The following CNTNAP2 variants were observed in gnomAD, a reference collection of about 807,000 sequenced individuals.
The protein encoded by CNTNAP2 is contactin-associated protein-like 2.
Under a neutral mutation model 155.2 loss-of-function variants are expected in CNTNAP2, and 98 were observed. The ratio of observed to expected loss-of-function variants is 0.63; its 90% CI spans 0.54 to 0.75. The LOEUF (loss-of-function observed/expected upper bound fraction) is 0.75, where lower values mean the gene tolerates loss of function less well. CNTNAP2 is among the 30% of genes least tolerant of loss of function. The probability of loss-of-function intolerance (pLI) is 0.00; values close to 1 mark genes in which losing one functional copy is unlikely to be tolerated. For missense variants in CNTNAP2, 1,727 were observed against 1,688.1 expected (o/e 1.02, Z -0.40); for synonymous variants, 651 against 631.2 (o/e 1.03, Z -0.47).
At chr7:148,111,644 A>G (rs1804355449) in intron 15 of CNTNAP2, among the ~76,000 whole-genome samples, 1 of 152,158 alleles carries the variant, frequency 6.6e-6, no homozygotes, top group African/African-American at 2.4e-5. Context: ...GCAATCATGA[A>G]GTTCCAATTA....
intron 17 of CNTNAP2, among the ~76,000 whole-genome samples, chr7:148,157,359 A>G (rs547610633): frequency 6.6e-6 from 1 of 152,292 alleles, no homozygotes; most frequent in East Asian, 1.9e-4. Flanking sequence ...TGCTGAGCAA[A>G]CATCTGGATG....
intron 1 of CNTNAP2, among the ~76,000 whole-genome samples, chr7:146,659,551 A>G (rs1800052056): frequency 1.3e-5 from 2 of 152,206 alleles, no homozygotes; most frequent in African/African-American, 4.8e-5. Context: ...AGTAGGCAGT[A>G]GATGGTTTAG....
intron 15 of CNTNAP2, among the ~76,000 whole-genome samples, chr7:148,110,555 A>ACTT (rs141907700): frequency 1.8e-3 from 270 of 152,254 alleles, no homozygotes; most frequent in Non-Finnish European, 3.1e-3. Context: ...CCACGAAAGA[A>ACTT]CTTCAGCACA....
chr7:148,222,780 G>A (rs1025731341), intron 19 of CNTNAP2, among the ~76,000 whole-genome samples: 2 of 152,150 alleles, frequency 1.3e-5, no homozygotes, highest in South Asian at 4.1e-4. Flanking sequence ...GCAAAACCAG[G>A]AGAGACTCCT....
intron 1 of CNTNAP2, among the ~76,000 whole-genome samples, chr7:146,127,151 T>C (rs1033212617): frequency 1.3e-5 from 2 of 152,230 alleles, no homozygotes; most frequent in African/African-American, 2.4e-5. Flanking sequence ...CACAACATGC[T>C]GTTTCGAATC....
At chr7:147,242,667 C>G (rs1038651880) in intron 8 of CNTNAP2, among the ~76,000 whole-genome samples, 2 of 152,116 alleles carry the variant, frequency 1.3e-5, no homozygotes, top group African/African-American at 4.8e-5. Context: ...ACTTTAAATT[C>G]TTCCATTTAT....
At chr7:148,252,517 C>G (rs1487008523) in intron 20 of CNTNAP2, among the ~76,000 whole-genome samples, 1 of 152,194 alleles carries the variant, frequency 6.6e-6, no homozygotes, top group African/African-American at 2.4e-5. Flanking sequence ...CTCAGCACTT[C>G]CTTTGGTTCA....
chr7:148,016,522 G>C (rs1802179604), intron 15 of CNTNAP2, among the ~76,000 whole-genome samples: 1 of 152,228 alleles, frequency 6.6e-6, no homozygotes, highest in African/African-American at 2.4e-5. Flanking sequence ...ACACTGAAGA[G>C]AGGCAGAGGT....
At chr7:146,189,876 T>C (rs1798676921) in intron 1 of CNTNAP2, among the ~76,000 whole-genome samples, 1 of 152,212 alleles carries the variant, frequency 6.6e-6, no homozygotes, top group African/African-American at 2.4e-5. Flanking sequence ...GAGTTTATCA[T>C]GTAGAACACT....
At chr7:148,106,831 T>A (rs1804234427) in intron 15 of CNTNAP2, among the ~76,000 whole-genome samples, 1 of 152,210 alleles carries the variant, frequency 6.6e-6, no homozygotes, top group South Asian at 2.1e-4. Context: ...TATTCCCCGC[T>A]TTCTGGAATC....
rs569110523 is a variant in CNTNAP2, at chr7:146,596,999, G to T, written c.98-177272G>T. ...CCGTAAATAAATGTTGAGGTTGAAT[G>T]AATTCACATTACCATCCAAGATACT... On this transcript the variant is annotated intron_variant, in intron 1 of 23. Transcript: ENST00000361727. Among the ~76,000 whole-genome samples the T allele has an allele frequency of 5.9e-5, 9 of 152,122 alleles. No homozygotes were observed. In the East Asian group the frequency reaches 1.2e-3, roughly 20 times the overall value.
At chr7:148,040,247 A>G (rs924488443) in intron 15 of CNTNAP2, among the ~76,000 whole-genome samples, 1 of 152,264 alleles carries the variant, frequency 6.6e-6, no homozygotes, top group African/African-American at 2.4e-5. Flanking sequence ...AAGCAAAAGC[A>G]TTAAAATGAT....
chr7:147,646,342 A>G (rs754331249), intron 13 of CNTNAP2, among the ~76,000 whole-genome samples: 1 of 152,214 alleles, frequency 6.6e-6, no homozygotes, highest in Non-Finnish European at 1.5e-5. Context: ...TGATGGCACT[A>G]GGAATACAGG....
At chr7:146,469,380 T>TAAA (rs571664470) in intron 1 of CNTNAP2, among the ~76,000 whole-genome samples, 3,124 of 145,608 alleles carry the variant, frequency 0.021, 66 homozygotes, top group African/African-American at 0.052. Context: ...TTGGAAGCAT[T>TAAA]AAAAAAAAAA....
At chr7:148,111,055 C>T (rs542734519) in intron 15 of CNTNAP2, among the ~76,000 whole-genome samples, 1 of 152,144 alleles carries the variant, frequency 6.6e-6, no homozygotes, top group Non-Finnish European at 1.5e-5. Flanking sequence ...GGGGACTCTC[C>T]ATGTGATCAT....
At chr7:146,855,807 GTATATA>G (rs367900395) in intron 3 of CNTNAP2, among the ~76,000 whole-genome samples, 8,456 of 108,920 alleles carry the variant, frequency 0.078, 378 homozygotes, top group Non-Finnish European at 0.11. Context: ...GTGTTAATGA[GTATATA>G]TATATATATA....
chr7:147,395,639 A>G lies in CNTNAP2; in HGVS notation c.1529A>G (p.His510Arg). 1 of 1,612,244 alleles carries G rather than the reference A, an allele frequency of 6.2e-7. No individual in the cohort carries two copies. Among genetic ancestry groups the G allele is most frequent in the African/African-American group, 1.3e-5 (1 of 74,918 alleles). ...GFLNQMNNSS[H>R]SVLQPSFQGC... ...CTGAACCAGATGAATAACTCAAGTC[A>G]CTCTGTCCTTCAGCCTTCATTCCAA... The change falls in exon 10 of 24, where the codon CAC (histidine) becomes CGC (arginine). Residue 510 changes from histidine to arginine, a missense_variant. By Grantham distance (29) the His-to-Arg change is conservative (BLOSUM62 0). Transcript: ENST00000361727.
intron 13 of CNTNAP2, among the ~76,000 whole-genome samples, chr7:147,661,632 G>A (rs561350142): frequency 5.7e-4 from 85 of 149,954 alleles, no homozygotes; most frequent in African/African-American, 1.9e-3. Context: ...GGCTCACTAC[G>A]ACCCCTGCCT....
chr7:147,137,287 A>G (rs931866848), intron 8 of CNTNAP2, among the ~76,000 whole-genome samples: 4 of 151,214 alleles, frequency 2.6e-5, no homozygotes, highest in African/African-American at 9.7e-5. Flanking sequence ...TTTTAATAAA[A>G]ACTTAAGTAG....
Sources: allele counts gnomAD v4.1 joint callset (sites outside exome capture counted in the v4.1 genomes callset), GRCh38; gene constraint gnomAD v4.1.1; transcripts MANE v1.5; gene names NCBI Gene and HGNC (gene_info 2026-07-23, HGNC 2026-07-21).